Variants in MICU1 observed in about 807,000 individuals in gnomAD.
MICU1 encodes the protein calcium uptake protein 1, mitochondrial.
MICU1 carries 45 observed loss-of-function variants against 56.8 expected under a neutral mutation model. The ratio of observed to expected loss-of-function variants is 0.79; its 90% CI spans 0.62 to 1.02. The LOEUF (loss-of-function observed/expected upper bound fraction) is 1.02, where lower values mean the gene tolerates loss of function less well. Ranked by LOEUF, MICU1 falls within the 50% of genes least tolerant of loss-of-function variation. MICU1 has a pLI of 0.00. For synonymous variants in MICU1, 186 were observed against 195.1 expected, an observed-to-expected ratio of 0.95 and a Z score of 0.39; for missense variants, 504 against 587.1, an observed-to-expected ratio of 0.86 and a Z score of 1.46.
At chr10:72,399,501 T>A (rs1008543536) in intron 10 of MICU1, among the ~76,000 whole-genome samples, 8 of 151,976 alleles carry the variant, frequency 5.3e-5, no homozygotes, top group Non-Finnish European at 1.2e-4. Flanking sequence ...CAAAAATTAG[T>A]CAGACATGTT....
chr10:72,434,225 C>T (rs1318385635), intron 8 of MICU1, among the ~76,000 whole-genome samples: 8 of 152,070 alleles, frequency 5.3e-5, no homozygotes, highest in East Asian at 1.9e-4. Context: ...ACATTTATAA[C>T]GGCAAACATT....
At chr10:72,498,222 T>C (rs745715398) in intron 6 of MICU1, among the ~76,000 whole-genome samples, 1 of 152,184 alleles carries the variant, frequency 6.6e-6, no homozygotes, top group Non-Finnish European at 1.5e-5. Context: ...GCAGAAAATT[T>C]AGCCTGTTTT....
chr10:72,452,293 T>C (rs1019939323), intron 8 of MICU1, among the ~76,000 whole-genome samples: 1 of 152,220 alleles, frequency 6.6e-6, no homozygotes, highest in African/African-American at 2.4e-5. Context: ...ACGCTATCTA[T>C]GGCCTTGCCA....
At position 72,456,946 on chromosome 10, in the gene MICU1, GGTGTGTGTGTGTGTGTGTGTGT is replaced by G. The variant is rs71018292; in HGVS notation, c.933+18132_933+18153del. Among the ~76,000 whole-genome samples the G allele has an allele frequency of 8.9e-4, 105 of 117,788 alleles. 1 individual carries two copies. Among genetic ancestry groups the G allele is most frequent in the Admixed American group, 3.4e-3 (36 of 10,728 alleles). The allele number at this position is 117,788 out of a possible 152,430, so 77.3% of individuals were successfully genotyped here. ...AAACGAGATCTCACTATATTGCCCAGGTGTGTGTGTGTGTGTGTGTGTGTGTGTGTGTGTGTGTGTTTTGTTT... is the reference window on the plus strand; with the variant it reads ...AAACGAGATCTCACTATATTGCCCAGGTGTGTGTGTGTGTGTGTTTTGTTT... On this transcript the variant is annotated intron_variant, in intron 8 of 11. Transcript: ENST00000361114.
chr10:72,432,678 A>T (rs924818829), intron 8 of MICU1, among the ~76,000 whole-genome samples: 10 of 152,102 alleles, frequency 6.6e-5, no homozygotes. Flanking sequence ...GTTTTAAAAA[A>T]CCAGCTCTCA....
At chr10:72,407,207 G>A (rs1863659792) in intron 10 of MICU1, among the ~76,000 whole-genome samples, 1 of 152,176 alleles carries the variant, frequency 6.6e-6, no homozygotes, top group Admixed American at 6.5e-5. Context: ...CTAATTGGGA[G>A]TGAAGTATAC....
intron 1 of MICU1, among the ~76,000 whole-genome samples, chr10:72,607,160 G>T (rs1176748609): frequency 6.6e-6 from 1 of 152,004 alleles, no homozygotes; most frequent in Admixed American, 6.6e-5. Context: ...GGCCAACATG[G>T]TGAAACCCTG....
At chr10:72,387,718 A>G (rs1428167937) in intron 10 of MICU1, among the ~76,000 whole-genome samples, 2 of 150,824 alleles carry the variant, frequency 1.3e-5, no homozygotes, top group Admixed American at 6.7e-5. Context: ...AAAAGTGACT[A>G]AAAAAAAGCA....
chr10:72,524,408 G>C (rs1198815010), intron 5 of MICU1, among the ~76,000 whole-genome samples: 1 of 152,136 alleles, frequency 6.6e-6, no homozygotes. Flanking sequence ...CGGCCTCCAA[G>C]TAAGACTATT....
intron 5 of MICU1, 77 bp from the exon 6 acceptor site, chr10:72,508,346 C>T (rs1476753661): frequency 1.8e-6 from 1 of 556,714 alleles, no homozygotes; most frequent in Non-Finnish European, 3.1e-6. Context: ...AGATGAATCA[C>T]CATTTATCTG....
intron 1 of MICU1, among the ~76,000 whole-genome samples, chr10:72,577,181 G>C (rs953607867): frequency 1.5e-4 from 23 of 151,922 alleles, no homozygotes; most frequent in Non-Finnish European, 3.1e-4. Flanking sequence ...GGGGGCTCTG[G>C]GGGGACAGGT....
chr10:72,561,012 G>C (rs765547052), intron 3 of MICU1, among the ~76,000 whole-genome samples: 19 of 152,040 alleles, frequency 1.2e-4, no homozygotes, highest in Non-Finnish European at 2.1e-4. Flanking sequence ...ACAGAATGAA[G>C]ACAGAATAAG....
chr10:72,476,518 C>A (rs984055855), intron 7 of MICU1, among the ~76,000 whole-genome samples: 2 of 152,146 alleles, frequency 1.3e-5, no homozygotes, highest in African/African-American at 4.8e-5. Flanking sequence ...CATGAGTGAT[C>A]GTGTTCAGCC....
intron 10 of MICU1, among the ~76,000 whole-genome samples, chr10:72,379,054 GCT>G (rs1564836357): frequency 6.6e-6 from 1 of 152,182 alleles, no homozygotes; most frequent in East Asian, 1.9e-4. Context: ...AGACTATAGC[GCT>G]CTAGAGTTTA....
intron 1 of MICU1, among the ~76,000 whole-genome samples, chr10:72,624,169 A>G (rs1842175302): frequency 6.6e-6 from 1 of 152,162 alleles, no homozygotes; most frequent in African/African-American, 2.4e-5. Flanking sequence ...ATATTGCATT[A>G]TGGAGAAATT....
At chr10:72,450,420 G>C (rs1383766796) in intron 8 of MICU1, among the ~76,000 whole-genome samples, 1 of 151,842 alleles carries the variant, frequency 6.6e-6, no homozygotes. Context: ...AGACAAGAAT[G>C]GTGGTGGAGA....
Position 72,554,946 on chromosome 10 carries a change from C to T in MICU1, c.331-3605G>A, listed in dbSNP as rs572186072. On this transcript the variant is annotated intron_variant, in intron 3 of 11. Coordinates refer to ENST00000361114, the MANE Select transcript of MICU1 (RefSeq NM_001195518.2). ...AGGAGAATCTCTTGAGCCTGGGAGG[C>T]AGAGGTTGCAGTGAGCCAAGATCGT... Among the ~76,000 whole-genome samples the T allele has an allele frequency of 2.6e-5, 4 of 152,192 alleles. No homozygotes were observed. The South Asian group carries it at 8.3e-4, about 32-fold the overall frequency.
intron 1 of MICU1, among the ~76,000 whole-genome samples, chr10:72,620,625 G>A (rs1256394808): frequency 6.6e-6 from 1 of 152,040 alleles, no homozygotes; most frequent in Non-Finnish European, 1.5e-5. Context: ...AACCCATCTT[G>A]AACTTAATAT....
chr10:72,456,946 G>GGTGTGTGTGTGTGGGTGTGTGT (rs1479978263), intron 8 of MICU1, among the ~76,000 whole-genome samples: 1 of 117,698 alleles, frequency 8.5e-6, no homozygotes, highest in African/African-American at 3.2e-5. Context: ...ATATTGCCCA[G>GGTGTGTGTGTGTGGGTGTGTGT]GTGTGTGTGT....
Sources: gnomAD v4.1 joint callset for allele counts (sites outside exome capture counted in the v4.1 genomes callset) on GRCh38, gnomAD v4.1.1 for gene constraint, MANE v1.5 for transcripts, NCBI Gene and HGNC (gene_info 2026-07-23, HGNC 2026-07-21) for gene names.